The following AQP2 variants were observed in gnomAD, a reference collection of about 807,000 sequenced individuals.
The protein encoded by AQP2 is aquaporin 2.
Under a neutral mutation model 21.6 loss-of-function variants are expected in AQP2, and 20 were observed. The ratio of observed to expected loss-of-function variants is 0.92; its 90% confidence interval spans 0.65 to 1.34. The LOEUF (loss-of-function observed/expected upper bound fraction) is 1.34. Among genes scored for constraint, AQP2 ranks in the 40% most tolerant of loss-of-function variants. AQP2 has a pLI of 0.00. For synonymous variants in AQP2, 168 were observed against 166.9 expected (o/e 1.01, Z -0.05); for missense variants, 325 against 363.4 (o/e 0.89, Z 0.86).
chr12:49,955,366 G>A (rs1323259547), intron 3 of AQP2, 33 bp from the exon 4 acceptor site: 1 of 1,603,440 alleles, frequency 6.2e-7, no homozygotes, highest in Admixed American at 1.7e-5. Flanking sequence ...GTGCCGGCGC[G>A]GGTGCCAAGC....
rs1364405225 is a variant in AQP2, at chr12:49,957,004, A to C, written c.*1396A>C. On this transcript the variant is annotated 3_prime_UTR_variant, in exon 4 of 4. Transcript: ENST00000199280. ...TTTCTAGGCCAGTACTACTGCTCTC[A>C]AAAGAGATTAACTGGGATTAAGTGA... 6.6e-6 allele frequency: 1 copy of C among 152,666 alleles called. No individual in the cohort carries two copies. Among genetic ancestry groups the C allele is most frequent in the Non-Finnish European group, 1.5e-5 (1 of 68,038 alleles). 9.5% of individuals were successfully genotyped at this position (152,666 alleles called of 1,614,324 possible).
rs1947380156 is a variant in AQP2 at position 49,957,424 on chromosome 12, C to T, written c.*1816C>T. The T allele has an allele frequency of 6.6e-6, 1 of 152,508 alleles. No individual in the cohort carries two copies. Among genetic ancestry groups the T allele is most frequent in the Non-Finnish European group, 1.5e-5 (1 of 68,224 alleles). The allele number at this position is 152,508 out of a possible 1,614,324, so 9.4% of individuals were successfully genotyped here. On this transcript the variant is annotated 3_prime_UTR_variant, in exon 4 of 4. Coordinates refer to ENST00000199280, the MANE Select transcript of AQP2 (RefSeq NM_000486.6). ...TCCGCCCCCATGCTCTCTGTGGCCT[C>T]CATGCCTTCAAGACTTCTGTCTGTA...
Position 49,957,562 on chromosome 12 carries a change from T to C in AQP2, c.*1954T>C, listed in dbSNP as rs1335353122. The C allele has an allele frequency of 6.6e-6, 1 of 152,318 alleles. No homozygotes were observed. The allele number at this position is 152,318 out of a possible 1,614,324, so 9.4% of individuals were successfully genotyped here. A position where few individuals can be genotyped will look rare whatever the true frequency, so the allele number is the denominator to read the frequency against. Reference sequence around the variant, plus strand: ...CAGTGTATAAGGAACATCTCTGTAATTGTGTCCCCTCTCATCTATGCTCTT... The same window carrying C: ...CAGTGTATAAGGAACATCTCTGTAACTGTGTCCCCTCTCATCTATGCTCTT... On this transcript the variant is annotated 3_prime_UTR_variant, in exon 4 of 4. Transcript: ENST00000199280.
intron 1 of AQP2, among the ~76,000 whole-genome samples, chr12:49,953,797 A>C (rs574914744): frequency 1.3e-5 from 2 of 152,358 alleles, no homozygotes; most frequent in East Asian, 3.9e-4. Flanking sequence ...AAGCTTCCTG[A>C]GGCAGTTGAA....
Position 49,955,840 on chromosome 12 carries a change from G to C in AQP2, c.*232G>C, listed in dbSNP as rs557903887. ...CTGAGGCTGTGAGCAGCTAGTGGTG[G>C]CTTCTCCAGCCTTTTTCAGGGAACT... is the stretch of plus-strand genomic sequence containing the variant. On this transcript the variant is annotated 3_prime_UTR_variant, in exon 4 of 4. Coordinates refer to ENST00000199280, the MANE Select transcript of AQP2 (RefSeq NM_000486.6). 405 of 685,880 alleles carry C rather than the reference G, an allele frequency of 5.9e-4. No homozygotes were observed. Among genetic ancestry groups the C allele is most frequent in the East Asian group, 1.8e-3 (65 of 36,882 alleles). 42.5% of individuals were successfully genotyped at this position (685,880 alleles called of 1,614,324 possible). A position where few individuals can be genotyped will look rare whatever the true frequency, so the allele number is the denominator to read the frequency against.
In AQP2 at chr12:49,954,641, C is replaced by T. The variant is rs199999215; in HGVS notation, c.537C>T (p.Thr179=). 1.5e-5 allele frequency: 25 copies of T among 1,614,192 alleles called. No homozygotes were observed. The highest frequency in any genetic ancestry group is 1.6e-4 in the Middle Eastern group (1 of 6,062). Residue 179 remains threonine, a synonymous_variant, in exon 3 of 4, where the codon ACC becomes ACT. Coordinates refer to ENST00000199280, the MANE Select transcript of AQP2 (RefSeq NM_000486.6). ...TCCTCCCACTGCAGATCCATTACAC[C>T]GGCTGCTCTATGAATCCTGCCCGCT... The part of the protein sequence containing the change: ...ALGHLLGIHY[T]GCSMNPARSL...
rs1333138865 is a variant in AQP2, at chr12:49,950,912, C to T, written c.82C>T (p.Leu28Phe). 6.2e-7 allele frequency: 1 copy of T among 1,614,186 alleles called. No homozygotes were observed. Among genetic ancestry groups the T allele is most frequent in the South Asian group, 1.1e-5 (1 of 91,090 alleles). ...LATLLFVFFG[L>F]GSALNWPQAL... is the part of the protein sequence containing the mutation. ...CACACTCCTCTTCGTCTTCTTTGGC[C>T]TCGGCTCTGCCCTCAACTGGCCACA... Residue 28 changes from leucine (L) to phenylalanine (F), a missense_variant, in exon 1 of 4, where the codon CTC (leucine) becomes TTC (phenylalanine). Coordinates refer to ENST00000199280, the MANE Select transcript of AQP2 (RefSeq NM_000486.6).
chr12:49,954,400 G>A, intron 2 of AQP2, 81 bp downstream of exon 2: 1 of 1,469,028 alleles, frequency 6.8e-7, no homozygotes, highest in Non-Finnish European at 9.3e-7. Flanking sequence ...GAGACCCCAA[G>A]AGGGACACAT....
chr12:49,955,882 G>A lies in AQP2; in HGVS notation c.*274G>A. ...CAGGGAACTGGGAACTTAGGGGACT[G>A]AGCTGGGGAGGGAGGCAGGTGGGTG... On this transcript the variant is annotated 3_prime_UTR_variant, in exon 4 of 4. Transcript: ENST00000199280. 2 of 614,574 alleles carry A rather than the reference G, an allele frequency of 3.3e-6. No homozygotes were observed. The highest frequency in any genetic ancestry group is 1.8e-5 in the South Asian group (1 of 54,174). The allele number at this position is 614,574 out of a possible 1,614,324, so 38.1% of individuals were successfully genotyped here. A position where few individuals can be genotyped will look rare whatever the true frequency, so the allele number is the denominator to read the frequency against.
Position 49,950,958 on chromosome 12 carries a change from A to C in AQP2, c.128A>C (p.Gln43Pro), listed in dbSNP as rs763727714. The change falls in exon 1 of 4, where the codon CAG (glutamine) becomes CCG (proline). Residue 43 changes from glutamine (Q) to proline (P), a missense_variant. Gln to Pro is a moderately conservative substitution (Grantham distance 76). Coordinates refer to ENST00000199280, the MANE Select transcript of AQP2 (RefSeq NM_000486.6). ...NWPQALPSVL[Q>P]IAMAFGLGIG... Reference sequence around the variant, plus strand: ...CCACAGGCCCTGCCCTCTGTGCTACAGATTGCCATGGCGTTTGGCTTGGGT... The same window carrying C: ...CCACAGGCCCTGCCCTCTGTGCTACCGATTGCCATGGCGTTTGGCTTGGGT... The C allele has an allele frequency of 6.2e-6, 10 of 1,614,084 alleles. No individual in the cohort carries two copies. Among genetic ancestry groups the C allele is most frequent in the Non-Finnish European group, 5.1e-6 (6 of 1,180,036 alleles).
chr12:49,951,474 T>C (rs1947329396), intron 1 of AQP2: 1 of 507,152 alleles, frequency 2.0e-6, no homozygotes, highest in Admixed American at 3.3e-5. Context: ...ACGCCTACAT[T>C]ACAGTGAAGA....
At position 49,957,667 on chromosome 12, in the gene AQP2, C is replaced by T. The variant is rs1019611048; in HGVS notation, c.*2059C>T. On this transcript the variant is annotated 3_prime_UTR_variant, in exon 4 of 4. Transcript: ENST00000199280. ...CCATATGTGCTATGGAGAGGACTCT[C>T]CCAAACCCCCAATAGCTAGTGACAG... 1 of 152,232 alleles carries T rather than the reference C, an allele frequency of 6.6e-6. No homozygotes were observed. Among genetic ancestry groups the T allele is most frequent in the Non-Finnish European group, 1.5e-5 (1 of 68,068 alleles). The allele number at this position is 152,232 out of a possible 1,614,324, so 9.4% of individuals were successfully genotyped here. A position where few individuals can be genotyped will look rare whatever the true frequency, so the allele number is the denominator to read the frequency against.
At chr12:49,954,505 C>T (rs1392452557) in intron 2 of AQP2, 125 bp from the exon 3 acceptor site, 24 of 1,307,260 alleles carry the variant, frequency 1.8e-5, no homozygotes, top group South Asian at 2.4e-5. Flanking sequence ...GTAAATAAAA[C>T]GTGATGTTAA....
At chr12:49,954,937 G>A (rs929466794) in intron 3 of AQP2, among the ~76,000 whole-genome samples, 2 of 152,226 alleles carry the variant, frequency 1.3e-5, no homozygotes, top group African/African-American at 4.8e-5. Context: ...GGCTTCTTGG[G>A]AACAGTAAGT....
chr12:49,951,215 C>G (rs1947327468), intron 1 of AQP2, 25 bp downstream of exon 1: 1 of 1,595,528 alleles, frequency 6.3e-7, no homozygotes. Context: ...CTTTGCCATC[C>G]ACAAGGGGCA....
At chr12:49,953,439 T>C (rs1245476157) in intron 1 of AQP2, among the ~76,000 whole-genome samples, 1 of 152,182 alleles carries the variant, frequency 6.6e-6, no homozygotes, top group Admixed American at 6.5e-5. Flanking sequence ...GTTCTCTCCT[T>C]ACCCAAGGCA....
rs1212540157 is a variant in AQP2, at chr12:49,957,879, TAGAAGAAGCCAAGAATTTCTC to T, written c.*2272_*2292del. ...CCCACCTCACCCCAACAAACTCCTC[TAGAAGAAGCCAAGAATTTCTC>T]TCTATGTCTGTTTCACTTTTTGGAT... is the stretch of plus-strand genomic sequence containing the variant. On this transcript the variant is annotated 3_prime_UTR_variant, in exon 4 of 4. Coordinates refer to ENST00000199280, the MANE Select transcript of AQP2 (RefSeq NM_000486.6). 1.4e-5 allele frequency: 2 copies of T among 144,254 alleles called. No homozygotes were observed. The highest frequency in any genetic ancestry group is 4.9e-5 in the African/African-American group (2 of 41,044). 8.9% of individuals were successfully genotyped at this position (144,254 alleles called of 1,614,324 possible).
At chr12:49,951,293 A>T (rs1266559456) in intron 1 of AQP2, 103 bp downstream of exon 1, 17 of 1,434,802 alleles carry the variant, frequency 1.2e-5, no homozygotes, top group Non-Finnish European at 1.6e-5. Flanking sequence ...AGGGAGAGAG[A>T]TGGAGACAGA....
At chr12:49,954,414 C>A in intron 2 of AQP2, 95 bp downstream of exon 2, 1 of 1,409,956 alleles carries the variant, frequency 7.1e-7, no homozygotes, top group Non-Finnish European at 9.8e-7. Context: ...GACACATACA[C>A]AGAACTCTCA....
Sources: gnomAD v4.1 joint callset for allele counts (sites outside exome capture counted in the v4.1 genomes callset) on GRCh38, gnomAD v4.1.1 for gene constraint, MANE v1.5 for transcripts, NCBI Gene and HGNC (gene_info 2026-07-23, HGNC 2026-07-21) for gene names.